PTPRG: variants seen among roughly 807,000 people sequenced by gnomAD.
PTPRG encodes receptor-type tyrosine-protein phosphatase gamma.
PTPRG carries 102 observed loss-of-function variants against 165.3 expected under a neutral mutation model. The observed-to-expected ratio is 0.62, with a 90% CI of 0.53 to 0.73. The LOEUF (loss-of-function observed/expected upper bound fraction) is 0.73. Ranked by LOEUF, PTPRG falls within the 30% of genes least tolerant of loss-of-function variation. The pLI is 0.00. For missense variants in PTPRG, 1,866 were observed against 1,861.4 expected (o/e 1.00, Z -0.05); for synonymous variants, 675 against 669.5 (o/e 1.01, Z -0.13).
intron 5 of PTPRG, among the ~76,000 whole-genome samples, chr3:62,119,203 A>G (rs1702972491): frequency 6.6e-6 from 1 of 152,204 alleles, no homozygotes; most frequent in African/African-American, 2.4e-5. Context: ...CTTAAATTTC[A>G]GAGACTCTCC....
intron 2 of PTPRG, among the ~76,000 whole-genome samples, chr3:61,883,736 G>C (rs974287464): frequency 6.6e-6 from 1 of 152,106 alleles, no homozygotes; most frequent in African/African-American, 2.4e-5. Flanking sequence ...GTGGGGCCAG[G>C]TCTCACTCTG....
chr3:62,187,866 A>G (rs1234350635), intron 8 of PTPRG, among the ~76,000 whole-genome samples: 5 of 152,222 alleles, frequency 3.3e-5, no homozygotes, highest in Admixed American at 2.6e-4. Context: ...AGGGACAAGC[A>G]TGGATCTTTG....
At chr3:62,058,244 C>T (rs1467372634) in intron 4 of PTPRG, among the ~76,000 whole-genome samples, 1 of 152,206 alleles carries the variant, frequency 6.6e-6, no homozygotes. Flanking sequence ...TTCCTAACCT[C>T]ACCTTAATAA....
intron 2 of PTPRG, among the ~76,000 whole-genome samples, chr3:61,944,474 G>A (rs1163601617): frequency 6.6e-6 from 1 of 152,128 alleles, no homozygotes; most frequent in South Asian, 2.1e-4. Flanking sequence ...TCAGCTGGCT[G>A]CAGTGGAAGT....
At chr3:62,235,962 A>G (rs1370374996) in intron 14 of PTPRG, among the ~76,000 whole-genome samples, 3 of 152,100 alleles carry the variant, frequency 2.0e-5, no homozygotes, top group African/African-American at 7.2e-5. Context: ...TTATCCCCCA[A>G]AGCACATTGA....
intron 7 of PTPRG, among the ~76,000 whole-genome samples, chr3:62,167,760 G>T (rs1333695849): frequency 6.6e-6 from 1 of 152,124 alleles, no homozygotes; most frequent in Non-Finnish European, 1.5e-5. Context: ...TAGTTGGCAG[G>T]ACAGAAACCA....
At chr3:61,573,123 C>G (rs184200639) in intron 1 of PTPRG, among the ~76,000 whole-genome samples, 3 of 152,300 alleles carry the variant, frequency 2.0e-5, no homozygotes, top group Non-Finnish European at 4.4e-5. Context: ...GTGTTGACTT[C>G]CCTGGTTGAT....
chr3:61,883,782 C>T (rs865782891), intron 2 of PTPRG, among the ~76,000 whole-genome samples: 5 of 152,146 alleles, frequency 3.3e-5, no homozygotes, highest in East Asian at 1.9e-4. Context: ...ACAATCACAG[C>T]GCACTGTAGC....
chr3:62,135,809 T>C (rs990755362), intron 6 of PTPRG, among the ~76,000 whole-genome samples: 2 of 152,046 alleles, frequency 1.3e-5, no homozygotes, highest in Admixed American at 1.3e-4. Flanking sequence ...GCTAGGAGGA[T>C]TGGCTGAAGG....
chr3:61,829,181 A>G (rs561761240), intron 2 of PTPRG, among the ~76,000 whole-genome samples: 1 of 152,358 alleles, frequency 6.6e-6, no homozygotes, highest in South Asian at 2.1e-4. Flanking sequence ...AGGCGAAGTA[A>G]ATGTCTCTGT....
At chr3:62,110,413 A>C (rs1160341411) in intron 5 of PTPRG, among the ~76,000 whole-genome samples, 1 of 152,052 alleles carries the variant, frequency 6.6e-6, no homozygotes, top group Non-Finnish European at 1.5e-5. Flanking sequence ...TATTTTCCCC[A>C]GCGCGACTTT....
chr3:61,622,523 G>T (rs1339070880), intron 1 of PTPRG, among the ~76,000 whole-genome samples: 1 of 152,028 alleles, frequency 6.6e-6, no homozygotes, highest in African/African-American at 2.4e-5. Flanking sequence ...AGATTATGTT[G>T]TCGGAATTTC....
chr3:62,080,062 A>ATTTT (rs759641101), intron 5 of PTPRG, among the ~76,000 whole-genome samples: 3 of 128,856 alleles, frequency 2.3e-5, no homozygotes, highest in Non-Finnish European at 5.1e-5. Flanking sequence ...CCTTCGGTTC[A>ATTTT]TTTTTTTTTT....
intron 1 of PTPRG, among the ~76,000 whole-genome samples, chr3:61,576,896 T>G (rs184739044): frequency 2.0e-5 from 3 of 152,340 alleles, no homozygotes; most frequent in Admixed American, 1.3e-4. Flanking sequence ...TTCACTTGCT[T>G]ATTTTTCCTT....
intron 1 of PTPRG, among the ~76,000 whole-genome samples, chr3:61,641,501 C>T (rs1702060418): frequency 6.6e-6 from 1 of 152,104 alleles, no homozygotes; most frequent in Admixed American, 6.6e-5. Context: ...CTCTCCATGC[C>T]ACCCATTTTA....
At chr3:61,636,828 T>C (rs1701923031) in intron 1 of PTPRG, among the ~76,000 whole-genome samples, 2 of 152,226 alleles carry the variant, frequency 1.3e-5, no homozygotes, top group South Asian at 4.1e-4. Flanking sequence ...ACTGTGATGA[T>C]TTTTTGATTA....
chr3:61,837,549 G>A (rs538139406), intron 2 of PTPRG, among the ~76,000 whole-genome samples: 4 of 152,282 alleles, frequency 2.6e-5, no homozygotes, highest in African/African-American at 9.6e-5. Context: ...TGAATAGTAC[G>A]TCATAGACAA....
intron 2 of PTPRG, among the ~76,000 whole-genome samples, chr3:61,933,908 A>G (rs1015362849): frequency 6.6e-6 from 1 of 152,184 alleles, no homozygotes; most frequent in African/African-American, 2.4e-5. Flanking sequence ...AATTCACCCC[A>G]TTAGATATCT....
chr3:62,140,311 G>A (rs1703874698), intron 6 of PTPRG, among the ~76,000 whole-genome samples: 1 of 152,158 alleles, frequency 6.6e-6, no homozygotes, highest in African/African-American at 2.4e-5. Flanking sequence ...CAAAAGACTT[G>A]TGCATATGAG....
Sources: allele counts gnomAD v4.1 joint callset (sites outside exome capture counted in the v4.1 genomes callset), GRCh38; gene constraint gnomAD v4.1.1; transcripts MANE v1.5; gene names NCBI Gene and HGNC (gene_info 2026-07-23, HGNC 2026-07-21).